The following RHOJ variants were observed in gnomAD, a reference collection of about 807,000 sequenced individuals.
The protein encoded by RHOJ is ras homolog family member J.
RHOJ carries 11 observed loss-of-function variants against 23.4 expected under a neutral mutation model. The observed-to-expected ratio is 0.47, with a 90% CI of 0.30 to 0.78. The LOEUF (loss-of-function observed/expected upper bound fraction) is 0.78. Ranked by LOEUF, RHOJ falls within the 30% of genes least tolerant of loss-of-function variation. The pLI, the probability that RHOJ is intolerant of heterozygous loss-of-function variation, is 0.08. For missense variants in RHOJ, 254 were observed against 273.4 expected, an observed-to-expected ratio of 0.93 and a Z score of 0.50; for synonymous variants, 102 against 102.7, an observed-to-expected ratio of 0.99 and a Z score of 0.04.
At chr14:63,253,437 G>T (rs1030619029) in intron 1 of RHOJ, among the ~76,000 whole-genome samples, 9 of 150,234 alleles carry the variant, frequency 6.0e-5, no homozygotes, top group Non-Finnish European at 1.3e-4. Context: ...TCACTATGTT[G>T]CCCAGGCTGT....
chr14:63,247,402 T>C (rs534914700), intron 1 of RHOJ, among the ~76,000 whole-genome samples: 1 of 152,306 alleles, frequency 6.6e-6, no homozygotes, highest in East Asian at 1.9e-4. Flanking sequence ...TCATCATTCT[T>C]CCATTTCTAC....
At chr14:63,234,861 C>T (rs150878393) in intron 1 of RHOJ, among the ~76,000 whole-genome samples, 1 of 152,276 alleles carries the variant, frequency 6.6e-6, no homozygotes, top group African/African-American at 2.4e-5. Context: ...TGGTAAGCCC[C>T]GAACCAACAT....
At chr14:63,269,030 C>A in intron 1 of RHOJ, 80 bp from the exon 2 acceptor site, 1 of 961,174 alleles carries the variant, frequency 1.0e-6, no homozygotes, top group South Asian at 1.3e-5. Flanking sequence ...GAGATGCTGG[C>A]ATGGAAACAA....
intron 4 of RHOJ, chr14:63,288,288 G>T (rs1252365243): frequency 2.0e-6 from 2 of 985,328 alleles, no homozygotes; most frequent in Non-Finnish European, 2.4e-6. Flanking sequence ...GGAGGATGGG[G>T]AGTGCCCTGC....
intron 1 of RHOJ, among the ~76,000 whole-genome samples, chr14:63,229,201 A>G (rs968070016): frequency 6.6e-6 from 1 of 152,186 alleles, no homozygotes; most frequent in Non-Finnish European, 1.5e-5. Context: ...AGTGAGTCCA[A>G]ATAATTTGGG....
intron 4 of RHOJ, among the ~76,000 whole-genome samples, chr14:63,287,954 AT>A (rs905428473): frequency 6.6e-6 from 1 of 151,866 alleles, no homozygotes; most frequent in Non-Finnish European, 1.5e-5. Context: ...GACACAGATC[AT>A]TTTTTTTAGC....
Position 63,290,880 on chromosome 14 carries a change from C to T in RHOJ, c.501C>T (p.Ile167=), listed in dbSNP as rs149090717. The stretch of plus-strand genomic sequence containing the variant: ...CCTTTCTCTCTTTTGTGTTTAAGAT[C>T]GGAGCACAGTGCTACTTGGAATGTT... ...YEHGVKLAKA[I]GAQCYLECSA... Residue 167 remains isoleucine, a splice_region_variant and synonymous_variant, in exon 5 of 5, where the codon ATC becomes ATT. Coordinates refer to ENST00000316754, the MANE Select transcript of RHOJ (RefSeq NM_020663.5). 123 of 1,608,090 alleles carry T rather than the reference C, an allele frequency of 7.6e-5. 1 individual carries two copies. The highest frequency in any genetic ancestry group is 1.8e-4 in the South Asian group (16 of 89,990).
intron 1 of RHOJ, among the ~76,000 whole-genome samples, chr14:63,255,163 C>A (rs890996323): frequency 3.9e-5 from 6 of 152,142 alleles, no homozygotes; most frequent in African/African-American, 9.7e-5. Flanking sequence ...CAAATCCCCC[C>A]CTGAGGTAAC....
At chr14:63,271,721 G>A (rs1259277108) in intron 2 of RHOJ, among the ~76,000 whole-genome samples, 1 of 152,102 alleles carries the variant, frequency 6.6e-6, no homozygotes, top group Admixed American at 6.6e-5. Flanking sequence ...CATCCTCCCA[G>A]GTAACTGGGA....
intron 3 of RHOJ, among the ~76,000 whole-genome samples, chr14:63,282,286 GCACACACACA>G (rs36227581): frequency 0.021 from 2,822 of 133,276 alleles, 78 homozygotes; most frequent in African/African-American, 0.066. Flanking sequence ...ACAAACACAT[GCACACACACA>G]CACACACACA....
chr14:63,227,198 C>T (rs1336192917), intron 1 of RHOJ, among the ~76,000 whole-genome samples: 12 of 152,182 alleles, frequency 7.9e-5, no homozygotes, highest in Admixed American at 5.9e-4. Flanking sequence ...GTGATCCACC[C>T]GCCTCAGCCT....
chr14:63,283,198 T>C lies in RHOJ; in HGVS notation c.480T>C (p.Gly160=). Residue 160 remains glycine, a synonymous_variant, in exon 4 of 5, where the codon GGT becomes GGC. Coordinates refer to ENST00000316754, the MANE Select transcript of RHOJ (RefSeq NM_020663.5). ...AGAAACCTCTCACTTACGAGCATGG[T>C]GTGAAGCTCGCAAAAGCGGTACAGT... ...MKEKPLTYEH[G]VKLAKAIGAQ... 1 of 1,613,798 alleles carries C rather than the reference T, an allele frequency of 6.2e-7. No individual in the cohort carries two copies. The highest frequency in any genetic ancestry group is 1.1e-5 in the South Asian group (1 of 91,074).
chr14:63,213,869 G>A (rs562185800), intron 1 of RHOJ, among the ~76,000 whole-genome samples: 1 of 152,210 alleles, frequency 6.6e-6, no homozygotes, highest in African/African-American at 2.4e-5. Context: ...GTGGTGGTAT[G>A]GGCCAGGCTG....
intron 4 of RHOJ, among the ~76,000 whole-genome samples, chr14:63,286,018 G>A (rs960606974): frequency 1.3e-5 from 2 of 152,046 alleles, no homozygotes; most frequent in African/African-American, 2.4e-5. Flanking sequence ...TCTTTAACTT[G>A]GCACCTGCTA....
intron 1 of RHOJ, among the ~76,000 whole-genome samples, chr14:63,224,046 G>A (rs188532623): frequency 9.9e-5 from 15 of 152,078 alleles, no homozygotes; most frequent in South Asian, 6.2e-4. Flanking sequence ...CTAATCCTTT[G>A]CTAGCCAAAC....
chr14:63,255,247 C>G (rs1895143080), intron 1 of RHOJ, among the ~76,000 whole-genome samples: 1 of 152,138 alleles, frequency 6.6e-6, no homozygotes, highest in Admixed American at 6.5e-5. Context: ...CGGGACCATG[C>G]CCCCACCCTC....
chr14:63,268,802 T>A (rs1895413326), intron 1 of RHOJ, among the ~76,000 whole-genome samples: 2 of 152,152 alleles, frequency 1.3e-5, no homozygotes, highest in South Asian at 4.1e-4. Context: ...TTCTTTTTCA[T>A]CAGAAGCTTG....
intron 1 of RHOJ, among the ~76,000 whole-genome samples, chr14:63,225,805 G>A (rs1375281533): frequency 2.0e-5 from 3 of 152,172 alleles, no homozygotes; most frequent in Non-Finnish European, 4.4e-5. Flanking sequence ...CAGGCCTAGA[G>A]GGGAAAAGGA....
chr14:63,270,853 G>A (rs781006652), intron 2 of RHOJ, among the ~76,000 whole-genome samples: 1 of 152,170 alleles, frequency 6.6e-6, no homozygotes, highest in Non-Finnish European at 1.5e-5. Flanking sequence ...TGCCCAGTCA[G>A]TTGTCCCCTC....
Sources: allele counts gnomAD v4.1 joint callset (sites outside exome capture counted in the v4.1 genomes callset), GRCh38; gene constraint gnomAD v4.1.1; transcripts MANE v1.5; gene names NCBI Gene and HGNC (gene_info 2026-07-23, HGNC 2026-07-21).